Variants in OPCML observed in about 807,000 individuals in gnomAD.
OPCML encodes the protein opioid binding protein/cell adhesion molecule like.
A neutral mutation model predicts 37.8 loss-of-function variants in OPCML; 13 were observed. The ratio of observed to expected loss-of-function variants is 0.34; its 90% confidence interval spans 0.22 to 0.55. The LOEUF is 0.55. Among genes scored for constraint, OPCML ranks in the 20% least tolerant of loss-of-function variants. The pLI, the probability that OPCML is intolerant of heterozygous loss-of-function variation, is 0.91. For missense variants in OPCML, 341 were observed against 435.6 expected, an observed-to-expected ratio of 0.78 and a Z score of 1.93; for synonymous variants, 176 against 168.8, an observed-to-expected ratio of 1.04 and a Z score of -0.33.
chr11:133,155,090 C>T (rs1455206965), intron 1 of OPCML, among the ~76,000 whole-genome samples: 1 of 152,064 alleles, frequency 6.6e-6, no homozygotes, highest in Non-Finnish European at 1.5e-5. Flanking sequence ...GGGAAGGTCT[C>T]TTAATGCCAG....
chr11:132,628,370 A>G (rs527646365), intron 3 of OPCML, among the ~76,000 whole-genome samples: 1 of 152,346 alleles, frequency 6.6e-6, no homozygotes, highest in East Asian at 1.9e-4. Flanking sequence ...GGCAACAAAA[A>G]AAATTTGAGA....
intron 4 of OPCML, among the ~76,000 whole-genome samples, chr11:132,446,991 CT>C (rs1407936048): frequency 6.6e-6 from 1 of 152,134 alleles, no homozygotes; most frequent in East Asian, 1.9e-4. Flanking sequence ...ACTGTGTTAC[CT>C]AAGGGCGCTT....
At chr11:132,478,957 G>C (rs2096167449) in intron 4 of OPCML, among the ~76,000 whole-genome samples, 1 of 152,096 alleles carries the variant, frequency 6.6e-6, no homozygotes, top group African/African-American at 2.4e-5. Context: ...CAAATGTTCA[G>C]GCATTTTTTT....
chr11:133,221,390 CAA>C (rs956859228), intron 1 of OPCML, among the ~76,000 whole-genome samples: 7 of 152,234 alleles, frequency 4.6e-5, no homozygotes, highest in Non-Finnish European at 7.3e-5. Flanking sequence ...ATGACCTGAG[CAA>C]AGTCGCTTGG....
At chr11:133,491,645 T>C (rs1947662478) in intron 1 of OPCML, among the ~76,000 whole-genome samples, 1 of 152,164 alleles carries the variant, frequency 6.6e-6, no homozygotes, top group Non-Finnish European at 1.5e-5. Context: ...AGAGGCAGAA[T>C]GTGACTGAGG....
At chr11:132,754,309 A>G (rs1193418265) in intron 2 of OPCML, among the ~76,000 whole-genome samples, 1 of 152,170 alleles carries the variant, frequency 6.6e-6, no homozygotes, top group Non-Finnish European at 1.5e-5. Flanking sequence ...TTATTGAATC[A>G]TGGGGATAAG....
chr11:133,521,190 A>G (rs1948390181), intron 1 of OPCML, among the ~76,000 whole-genome samples: 1 of 152,186 alleles, frequency 6.6e-6, no homozygotes, highest in Admixed American at 6.5e-5. Flanking sequence ...CTTTGGGTCC[A>G]CTTGCGAATT....
intron 1 of OPCML, among the ~76,000 whole-genome samples, chr11:133,434,594 G>A (rs1946192457): frequency 6.6e-6 from 1 of 151,874 alleles, no homozygotes; most frequent in African/African-American, 2.4e-5. Flanking sequence ...CAGCTGGGAA[G>A]GCCCAGGGCA....
intron 3 of OPCML, among the ~76,000 whole-genome samples, chr11:132,556,489 T>C (rs1428829978): frequency 6.6e-6 from 1 of 152,118 alleles, no homozygotes; most frequent in Non-Finnish European, 1.5e-5. Flanking sequence ...AATGAGGAAA[T>C]TGGGGTCCAG....
chr11:132,701,535 T>C (rs1391971370), intron 2 of OPCML, among the ~76,000 whole-genome samples: 3 of 152,214 alleles, frequency 2.0e-5, no homozygotes, highest in Non-Finnish European at 2.9e-5. Context: ...TATGTTTGTC[T>C]TTAATCTAAA....
intron 1 of OPCML, among the ~76,000 whole-genome samples, chr11:133,330,258 C>A (rs957853418): frequency 6.6e-6 from 1 of 152,278 alleles, no homozygotes; most frequent in South Asian, 2.1e-4. Context: ...CTAGTTCAAC[C>A]AATGTGGAAG....
At chr11:133,249,422 A>G (rs974000661) in intron 1 of OPCML, among the ~76,000 whole-genome samples, 3 of 152,180 alleles carry the variant, frequency 2.0e-5, no homozygotes, top group Non-Finnish European at 2.9e-5. Context: ...ATCTGCCCCC[A>G]TGACCCAAAT....
chr11:132,754,947 A>T (rs1304745363), intron 2 of OPCML, among the ~76,000 whole-genome samples: 2 of 152,206 alleles, frequency 1.3e-5, no homozygotes, highest in East Asian at 1.9e-4. Context: ...CTGCTGAAGA[A>T]GTGGGGCTGA....
rs73037011 is a variant in OPCML at position 133,444,656 on chromosome 11, T to A, written c.61+87608A>T. On this transcript the variant is annotated intron_variant, in intron 1 of 7. Transcript: ENST00000524381. ...CTTACAGGGTAACAAAATATCGTAA[T>A]CAATAATAAATACTAAGTCAAACAA... Among the ~76,000 whole-genome samples, 1,232 of 152,338 alleles carry A rather than the reference T, an allele frequency of 8.1e-3. 8 individuals are homozygous for A. Among genetic ancestry groups the A allele is most frequent in the Non-Finnish European group, 0.013 (873 of 68,022 alleles).
chr11:133,204,058 C>CAAAAAAAAA lies in OPCML; in HGVS notation c.62-261057_62-261049dup, dbSNP rs58343203. 2.8e-3 allele frequency among the ~76,000 whole-genome samples: 185 copies of CAAAAAAAAA among 66,490 alleles called. 4 individuals are homozygous for CAAAAAAAAA. Among genetic ancestry groups the CAAAAAAAAA allele is most frequent in the African/African-American group, 4.1e-3 (76 of 18,500 alleles). The allele number at this position is 66,490 out of a possible 152,430, so 43.6% of individuals were successfully genotyped here. A position where few individuals can be genotyped will look rare whatever the true frequency, so the allele number is the denominator to read the frequency against. On this transcript the variant is annotated intron_variant, in intron 1 of 7. Coordinates refer to ENST00000524381, the MANE Select transcript of OPCML (RefSeq NM_001012393.5). ...GGGGGGACAGAGCGAGACTCTGTCTCAAAAAAAAAAAAAAAAAAAAAAAAA... is the reference window on the plus strand; with the variant it reads ...GGGGGGACAGAGCGAGACTCTGTCTCAAAAAAAAAAAAAAAAAAAAAAAAAAAAAAAAAA...
chr11:133,527,394 C>T (rs1015857274), intron 1 of OPCML, among the ~76,000 whole-genome samples: 2 of 152,134 alleles, frequency 1.3e-5, no homozygotes, highest in African/African-American at 2.4e-5. Flanking sequence ...CTGTTTTACT[C>T]GATTAATGAT....
intron 1 of OPCML, among the ~76,000 whole-genome samples, chr11:133,128,472 C>T (rs1292555695): frequency 6.6e-6 from 1 of 152,174 alleles, no homozygotes; most frequent in Non-Finnish European, 1.5e-5. Context: ...CTTTTCTGTA[C>T]CACTCCCTGA....
intron 2 of OPCML, among the ~76,000 whole-genome samples, chr11:132,937,218 C>G (rs1945406891): frequency 6.6e-6 from 1 of 152,132 alleles, no homozygotes; most frequent in Non-Finnish European, 1.5e-5. Context: ...GGCTCCCCAG[C>G]TCCCTCAGAG....
chr11:133,326,281 G>C (rs1208882447), intron 1 of OPCML, among the ~76,000 whole-genome samples: 1 of 110,978 alleles, frequency 9.0e-6, no homozygotes, highest in Non-Finnish European at 1.7e-5. Context: ...ATGTGTGTGG[G>C]GGTGTGGGTG....
Sources: allele counts gnomAD v4.1 joint callset (sites outside exome capture counted in the v4.1 genomes callset), GRCh38; gene constraint gnomAD v4.1.1; transcripts MANE v1.5; gene names NCBI Gene and HGNC (gene_info 2026-07-23, HGNC 2026-07-21).